TRPM3: variants seen among roughly 807,000 people sequenced by gnomAD.
TRPM3 encodes transient receptor potential cation channel subfamily M member 3, also known as long transient receptor potential channel 3.
TRPM3 carries 77 observed loss-of-function variants against 181.2 expected under a neutral mutation model. The observed-to-expected ratio is 0.42, with a 90% CI of 0.35 to 0.51. TRPM3 has a LOEUF of 0.51. Among genes scored for constraint, TRPM3 ranks in the 20% least tolerant of loss-of-function variants. The pLI is 0.01. For missense variants in TRPM3, 1,759 were observed against 2,196.7 expected, an observed-to-expected ratio of 0.80 and a Z score of 3.98; for synonymous variants, 745 against 796.4, an observed-to-expected ratio of 0.94 and a Z score of 1.09.
chr9:70,771,851 T>C (rs993093659), intron 7 of TRPM3, among the ~76,000 whole-genome samples: 2 of 152,166 alleles, frequency 1.3e-5, no homozygotes, highest in African/African-American at 4.8e-5. Context: ...TTCTAAAATA[T>C]TATATAATGT....
chr9:71,047,465 G>T (rs1308269427), intron 1 of TRPM3, among the ~76,000 whole-genome samples: 1 of 151,850 alleles, frequency 6.6e-6, no homozygotes, highest in Non-Finnish European at 1.5e-5. Flanking sequence ...CCCAGAATTG[G>T]AATACATCAT....
intron 8 of TRPM3, among the ~76,000 whole-genome samples, chr9:70,754,671 A>G (rs2076748425): frequency 6.6e-6 from 1 of 152,216 alleles, no homozygotes; most frequent in Non-Finnish European, 1.5e-5. Context: ...AAGATATCAC[A>G]TCAACTCTAG....
Position 70,535,928 on chromosome 9 carries a change from C to A in TRPM3, c.*25G>T, listed in dbSNP as rs1401503210. On this transcript the variant is annotated 3_prime_UTR_variant, in exon 26 of 26. Coordinates refer to ENST00000677713, the MANE Select transcript of TRPM3 (RefSeq NM_001366145.2). ...GAATTTTAGGGCTGGATTCTTGAGCCTTCTGTGGCGGATATTAAGAAGGTT... is the reference window on the plus strand; with the variant it reads ...GAATTTTAGGGCTGGATTCTTGAGCATTCTGTGGCGGATATTAAGAAGGTT... 4.5e-6 allele frequency: 7 copies of A among 1,549,106 alleles called. No individual in the cohort carries two copies. Among genetic ancestry groups the A allele is most frequent in the Non-Finnish European group, 5.2e-6 (6 of 1,150,412 alleles).
At chr9:71,237,634 A>T (rs2081435147) in intron 1 of TRPM3, among the ~76,000 whole-genome samples, 1 of 152,220 alleles carries the variant, frequency 6.6e-6, no homozygotes, top group South Asian at 2.1e-4. Flanking sequence ...ATATCAAAAC[A>T]CTTCTAAAAA....
chr9:70,582,959 TC>T (rs1379634001), intron 22 of TRPM3, among the ~76,000 whole-genome samples: 1 of 152,224 alleles, frequency 6.6e-6, no homozygotes, highest in African/African-American at 2.4e-5. Context: ...ATTTTGGGTA[TC>T]CTGTTTTTAC....
intron 3 of TRPM3, among the ~76,000 whole-genome samples, chr9:70,852,054 G>T (rs2095248887): frequency 6.8e-6 from 1 of 148,018 alleles, no homozygotes; most frequent in Admixed American, 6.8e-5. Context: ...AGGAGGTGGA[G>T]GTTGCGGTGA....
chr9:70,550,645 A>G (rs2046243420), intron 24 of TRPM3, among the ~76,000 whole-genome samples: 1 of 152,200 alleles, frequency 6.6e-6, no homozygotes, highest in Non-Finnish European at 1.5e-5. Context: ...AAATGGGACA[A>G]GTCATTCTTC....
chr9:71,395,160 G>A (rs1285671217), intron 1 of TRPM3, among the ~76,000 whole-genome samples: 2 of 152,060 alleles, frequency 1.3e-5, no homozygotes, highest in African/African-American at 2.4e-5. Context: ...CCAGCCTTTC[G>A]TTTTTTCCTG....
At position 70,909,484 on chromosome 9, in the gene TRPM3, T is replaced by C. The variant is rs138542826; in HGVS notation, c.178-44973A>G. ...AGGAATCCATGCTGAAGCCCAGGCC[T>C]TACTCTGGGGAGCCCTAGGCAGCCA... On this transcript the variant is annotated intron_variant, in intron 1 of 25. Transcript: ENST00000677713. Among the ~76,000 whole-genome samples the C allele has an allele frequency of 9.5e-4, 144 of 152,224 alleles. 2 individuals are homozygous for C. The East Asian group carries it at 0.019, about 20-fold the overall frequency.
intron 1 of TRPM3, among the ~76,000 whole-genome samples, chr9:71,000,996 T>A (rs1200335686): frequency 2.0e-5 from 3 of 152,194 alleles, no homozygotes; most frequent in Non-Finnish European, 1.5e-5. Context: ...CTCAGAAGAT[T>A]ACATGCAGGA....
intron 1 of TRPM3, among the ~76,000 whole-genome samples, chr9:71,309,273 A>C (rs572355243): frequency 4.7e-4 from 71 of 152,182 alleles, no homozygotes; most frequent in African/African-American, 1.6e-3. Context: ...TAAATATTTC[A>C]TTTTTGTTTC....
chr9:70,605,465 G>T (rs1407578970), intron 19 of TRPM3, among the ~76,000 whole-genome samples: 2 of 150,878 alleles, frequency 1.3e-5, no homozygotes, highest in South Asian at 2.1e-4. Context: ...ACCCCCAGGG[G>T]CCTATCATTT....
chr9:71,151,822 G>A (rs2075749404), intron 1 of TRPM3, among the ~76,000 whole-genome samples: 1 of 152,070 alleles, frequency 6.6e-6, no homozygotes, highest in Admixed American at 6.6e-5. Context: ...TGAGCTCCAA[G>A]TGAAAAAGGC....
In TRPM3 at chr9:70,535,747, T is replaced by A; in HGVS notation, c.*206A>T. On this transcript the variant is annotated 3_prime_UTR_variant, in exon 26 of 26. Coordinates refer to ENST00000677713, the MANE Select transcript of TRPM3 (RefSeq NM_001366145.2). Reference sequence around the variant, plus strand: ...CCAGCAAGTGTGAACATGCCTTAAATCCCCTGTGTCTGGCACTGGGTCAGA... The same window carrying A: ...CCAGCAAGTGTGAACATGCCTTAAAACCCCTGTGTCTGGCACTGGGTCAGA... 1.4e-6 allele frequency: 2 copies of A among 1,450,520 alleles called. No homozygotes were observed. 89.9% of individuals were successfully genotyped at this position (1,450,520 alleles called of 1,614,324 possible). A position where few individuals can be genotyped will look rare whatever the true frequency, so the allele number is the denominator to read the frequency against.
intron 4 of TRPM3, 117 bp downstream of exon 4, chr9:70,846,251 GCAACTATGGA>G: frequency 1.2e-6 from 1 of 827,058 alleles, no homozygotes; most frequent in Non-Finnish European, 2.0e-6. Flanking sequence ...GTGATAACCA[GCAACTATGGA>G]CCCATGGGTA....
intron 11 of TRPM3, among the ~76,000 whole-genome samples, chr9:70,638,016 A>C (rs1353974558): frequency 6.6e-6 from 1 of 152,082 alleles, no homozygotes; most frequent in Admixed American, 6.6e-5. Context: ...TAATAATCAC[A>C]ATAATAATAA....
At chr9:71,101,010 T>C (rs1314132208) in intron 1 of TRPM3, among the ~76,000 whole-genome samples, 4 of 152,118 alleles carry the variant, frequency 2.6e-5, no homozygotes, top group Non-Finnish European at 4.4e-5. Flanking sequence ...TCTACTTGCT[T>C]TTTCTCATGT....
intron 5 of TRPM3, among the ~76,000 whole-genome samples, chr9:70,841,465 A>G (rs1217400487): frequency 1.6e-5 from 2 of 124,614 alleles, no homozygotes; most frequent in African/African-American, 5.9e-5. Context: ...CAAAGGTTCT[A>G]ATGGATTTAA....
intron 1 of TRPM3, among the ~76,000 whole-genome samples, chr9:71,102,740 T>C (rs942369737): frequency 1.3e-5 from 2 of 152,226 alleles, no homozygotes; most frequent in Non-Finnish European, 2.9e-5. Flanking sequence ...TGGTATGTTC[T>C]TCTACTACAT....
Sources: gnomAD v4.1 joint callset for allele counts (sites outside exome capture counted in the v4.1 genomes callset) on GRCh38, gnomAD v4.1.1 for gene constraint, MANE v1.5 for transcripts, NCBI Gene and HGNC (gene_info 2026-07-23, HGNC 2026-07-21) for gene names.